Variants in DNM3 observed in about 807,000 individuals in gnomAD.
DNM3 encodes dynamin-3.
Under a neutral mutation model 101.6 loss-of-function variants are expected in DNM3, and 47 were observed. The observed-to-expected ratio is 0.46, with a 90% CI of 0.37 to 0.59. The LOEUF (loss-of-function observed/expected upper bound fraction) is 0.59. Among genes scored for constraint, DNM3 ranks in the 20% least tolerant of loss-of-function variants. The pLI is 0.00. For missense variants in DNM3, 849 were observed against 1,085.7 expected, an observed-to-expected ratio of 0.78 and a Z score of 3.06; for synonymous variants, 385 against 387.9, an observed-to-expected ratio of 0.99 and a Z score of 0.09.
intron 12 of DNM3, among the ~76,000 whole-genome samples, chr1:172,092,559 A>G (rs2053982101): frequency 6.6e-6 from 1 of 152,096 alleles, no homozygotes; most frequent in South Asian, 2.1e-4. Context: ...AAATATGTCA[A>G]CTCGTATGTT....
At chr1:172,391,218 C>T (rs1227602712) in intron 20 of DNM3, among the ~76,000 whole-genome samples, 1 of 151,980 alleles carries the variant, frequency 6.6e-6, no homozygotes, top group African/African-American at 2.4e-5. Context: ...GCAAAGAGTC[C>T]CAAATTTAAA....
At chr1:171,873,614 G>T (rs2035492893) in intron 1 of DNM3, among the ~76,000 whole-genome samples, 1 of 152,148 alleles carries the variant, frequency 6.6e-6, no homozygotes, top group Non-Finnish European at 1.5e-5. Flanking sequence ...GGACTTGAGG[G>T]AGGTGACAGC....
intron 15 of DNM3, among the ~76,000 whole-genome samples, chr1:172,262,151 C>T (rs2062681437): frequency 6.6e-6 from 1 of 152,120 alleles, no homozygotes; most frequent in African/African-American, 2.4e-5. Context: ...GAGCCATAAG[C>T]TGGGGGCTGG....
In DNM3 at chr1:172,212,813, G is replaced by A. The variant is rs80168732; in HGVS notation, c.1660-40760G>A. On this transcript the variant is annotated intron_variant, in intron 14 of 20. Coordinates refer to ENST00000627582, the MANE Select transcript of DNM3 (RefSeq NM_015569.5). ...GAAACAGTAAAGATGAAAGGTGAAAGCTCCCATAGTAGGACCAGTACTGGA... is the reference window on the plus strand; with the variant it reads ...GAAACAGTAAAGATGAAAGGTGAAAACTCCCATAGTAGGACCAGTACTGGA... Among the ~76,000 whole-genome samples, 1,460 of 152,256 alleles carry A rather than the reference G, an allele frequency of 9.6e-3. 29 individuals are homozygous for A. The highest frequency in any genetic ancestry group is 0.033 in the African/African-American group (1,383 of 41,558).
intron 9 of DNM3, among the ~76,000 whole-genome samples, chr1:172,046,441 A>T (rs553657517): frequency 6.6e-6 from 1 of 152,074 alleles, no homozygotes; most frequent in Non-Finnish European, 1.5e-5. Context: ...GCATTAGGAG[A>T]TATACCTAAT....
rs115632596 is a variant in DNM3 at position 171,952,624 on chromosome 1, G to T, written c.235+30803G>T. Among the ~76,000 whole-genome samples, 764 of 152,120 alleles carry T rather than the reference G, an allele frequency of 5.0e-3. 15 individuals are homozygous for T. Among genetic ancestry groups the T allele is most frequent in the African/African-American group, 0.016 (680 of 41,506 alleles). On this transcript the variant is annotated intron_variant, in intron 2 of 20. Transcript: ENST00000627582. ...TGGGGAGGCTTAGGATTTTATTTTT[G>T]ATTTACAGGGGCAAATACAGTAGAA...
chr1:172,201,124 G>A (rs1352150219), intron 14 of DNM3, among the ~76,000 whole-genome samples: 1 of 152,150 alleles, frequency 6.6e-6, no homozygotes, highest in Non-Finnish European at 1.5e-5. Context: ...GGTTTAAGAG[G>A]ATGATATGTT....
intron 14 of DNM3, among the ~76,000 whole-genome samples, chr1:172,165,919 T>C (rs1487959298): frequency 6.6e-6 from 1 of 152,080 alleles, no homozygotes; most frequent in Non-Finnish European, 1.5e-5. Flanking sequence ...TTATCAATTA[T>C]CTTTTTTGTG....
intron 17 of DNM3, among the ~76,000 whole-genome samples, chr1:172,354,404 C>T (rs955591724): frequency 1.3e-5 from 2 of 152,072 alleles, no homozygotes; most frequent in African/African-American, 4.8e-5. Flanking sequence ...GGCCAGGCTC[C>T]TCCCCACTGC....
At chr1:171,954,431 T>C (rs1033285624) in intron 2 of DNM3, among the ~76,000 whole-genome samples, 1 of 152,210 alleles carries the variant, frequency 6.6e-6, no homozygotes, top group Non-Finnish European at 1.5e-5. Flanking sequence ...GTTTCTGGAA[T>C]AGCATCTTGT....
At chr1:171,861,427 A>G (rs1039040659) in intron 1 of DNM3, among the ~76,000 whole-genome samples, 1 of 152,184 alleles carries the variant, frequency 6.6e-6, no homozygotes, top group Non-Finnish European at 1.5e-5. Flanking sequence ...GTCCAGAAAT[A>G]AACTGTTACA....
intron 14 of DNM3, among the ~76,000 whole-genome samples, chr1:172,217,797 G>T (rs1164695801): frequency 6.6e-6 from 1 of 152,042 alleles, no homozygotes; most frequent in Non-Finnish European, 1.5e-5. Flanking sequence ...AGAAATGTAT[G>T]GGATGGTTGT....
At chr1:171,963,778 A>T (rs912713508) in intron 2 of DNM3, among the ~76,000 whole-genome samples, 3 of 150,482 alleles carry the variant, frequency 2.0e-5, no homozygotes, top group Non-Finnish European at 4.4e-5. Context: ...GTATATATAT[A>T]TATAAAATCA....
chr1:172,030,613 A>T (rs1371113767), intron 4 of DNM3, among the ~76,000 whole-genome samples: 1 of 152,226 alleles, frequency 6.6e-6, no homozygotes, highest in Non-Finnish European at 1.5e-5. Flanking sequence ...GTGAACAGGC[A>T]ACCTACAGAA....
downstream of DNM3, among the ~76,000 whole-genome samples, chr1:172,413,384 G>A (rs1028376995): frequency 1.4e-4 from 22 of 152,184 alleles, no homozygotes; most frequent in East Asian, 1.9e-4. Context: ...CCGCCACCAC[G>A]CCCGGCTAAT....
chr1:172,121,464 T>TA (rs1209544426), intron 13 of DNM3, among the ~76,000 whole-genome samples: 1 of 152,222 alleles, frequency 6.6e-6, no homozygotes, highest in African/African-American at 2.4e-5. Context: ...CACAGAGGCA[T>TA]AAAAAATGCC....
intron 1 of DNM3, among the ~76,000 whole-genome samples, chr1:171,911,598 T>C (rs186023333): frequency 3.9e-4 from 59 of 152,244 alleles, no homozygotes; most frequent in Non-Finnish European, 1.6e-4. Flanking sequence ...CATCTTAAAA[T>C]AGTGAAAACA....
At chr1:172,085,487 A>G (rs1247440461) in intron 12 of DNM3, among the ~76,000 whole-genome samples, 1 of 152,098 alleles carries the variant, frequency 6.6e-6, no homozygotes, top group Non-Finnish European at 1.5e-5. Flanking sequence ...ACTAGGATTT[A>G]TGCAGTCCAA....
At chr1:172,349,542 C>T (rs537444464) in intron 17 of DNM3, among the ~76,000 whole-genome samples, 3 of 152,014 alleles carry the variant, frequency 2.0e-5, no homozygotes, top group Non-Finnish European at 2.9e-5. Flanking sequence ...AGTCTTGGAC[C>T]TAGTTATTAT....
Sources: gnomAD v4.1 joint callset for allele counts (sites outside exome capture counted in the v4.1 genomes callset) on GRCh38, gnomAD v4.1.1 for gene constraint, MANE v1.5 for transcripts, NCBI Gene and HGNC (gene_info 2026-07-23, HGNC 2026-07-21) for gene names.